Variants in NSRP1 observed in about 807,000 individuals in gnomAD.
NSRP1 encodes the protein nuclear speckle splicing regulatory protein 1.
A neutral mutation model predicts 54.7 loss-of-function variants in NSRP1; 24 were observed. The observed-to-expected ratio is 0.44, with a 90% confidence interval of 0.32 to 0.62. The LOEUF is 0.62. Ranked by LOEUF, NSRP1 falls within the 20% of genes least tolerant of loss-of-function variation. NSRP1 has a pLI of 0.06. For synonymous variants in NSRP1, 210 were observed against 213.8 expected, an observed-to-expected ratio of 0.98 and a Z score of 0.15; for missense variants, 596 against 651.2, an observed-to-expected ratio of 0.92 and a Z score of 0.92.
At chr17:30,163,615 A>C (rs1318413297) in intron 2 of NSRP1, among the ~76,000 whole-genome samples, 1 of 151,958 alleles carries the variant, frequency 6.6e-6, no homozygotes, top group Non-Finnish European at 1.5e-5. Flanking sequence ...GGAGAAAAAA[A>C]CTAAGAAATC....
rs574990091 is a variant in NSRP1, at chr17:30,176,351, A to G, written c.172-1720A>G. 3.3e-4 allele frequency among the ~76,000 whole-genome samples: 50 copies of G among 152,194 alleles called. 5 individuals carry two copies. Among genetic ancestry groups the G allele is most frequent in the Admixed American group, 1.8e-3 (28 of 15,286 alleles). ...CCTGGCCGGGTGCAGTGGCTCATGC[A>G]TGTAATCCCTGTACTTTGGAAGGCC... On this transcript the variant is annotated intron_variant, in intron 3 of 6. Transcript: ENST00000247026.
intron 2 of NSRP1, among the ~76,000 whole-genome samples, chr17:30,130,133 T>G (rs2071686409): frequency 6.6e-6 from 1 of 152,202 alleles, no homozygotes; most frequent in Non-Finnish European, 1.5e-5. Flanking sequence ...GGACTCACTG[T>G]TGTCCAGGCT....
rs1597625688 is a variant in NSRP1, at chr17:30,185,340, A to G, written c.1343A>G (p.Glu448Gly). The G allele has an allele frequency of 6.2e-7, 1 of 1,610,872 alleles. No individual in the cohort carries two copies. The highest frequency in any genetic ancestry group is 1.3e-5 in the African/African-American group (1 of 74,730). Residue 448 changes from glutamate (E) to glycine (G), a missense_variant, in exon 7 of 7, where the codon GAA (glutamate) becomes GGA (glycine). Physicochemically the swap from Glu to Gly is moderately conservative, Grantham distance 98. Transcript: ENST00000247026. ...EKREVGVQSS[E>G]RNQDRKESSP... The stretch of plus-strand genomic sequence containing the variant: ...CGAGAGGTAGGTGTTCAGTCTTCAG[A>G]AAGAAATCAAGACAGAAAGGAAAGC...
intron 2 of NSRP1, among the ~76,000 whole-genome samples, chr17:30,162,048 G>T (rs1385209523): frequency 8.0e-5 from 11 of 138,280 alleles, no homozygotes; most frequent in Non-Finnish European, 1.5e-4. Flanking sequence ...TTGAGATGGA[G>T]TCTTGCTCTG....
chr17:30,126,368 T>TA (rs1388731299), intron 2 of NSRP1, among the ~76,000 whole-genome samples: 1 of 152,194 alleles, frequency 6.6e-6, no homozygotes, highest in Non-Finnish European at 1.5e-5. Flanking sequence ...ATGTCCAAAT[T>TA]ATAGCCATCC....
chr17:30,182,113 T>G (rs1038617630), intron 6 of NSRP1, among the ~76,000 whole-genome samples: 1 of 149,974 alleles, frequency 6.7e-6, no homozygotes, highest in Non-Finnish European at 1.5e-5. Context: ...TTAAAATGAT[T>G]GGTGCCTGGT....
intron 2 of NSRP1, among the ~76,000 whole-genome samples, chr17:30,151,980 G>A (rs2071915962): frequency 6.6e-6 from 1 of 151,672 alleles, no homozygotes; most frequent in Non-Finnish European, 1.5e-5. Context: ...TGTTGGTCAG[G>A]CTGGTCTCAA....
chr17:30,132,596 T>TTTGTCATCAATTCAAGTTTTATCATGAGA (rs1267474598), intron 2 of NSRP1, among the ~76,000 whole-genome samples: 1 of 152,190 alleles, frequency 6.6e-6, no homozygotes, highest in African/African-American at 2.4e-5. Flanking sequence ...GTAGAAGAAA[T>TTTGTCATCAATTCAAGTTTTATCATGAGA]TTGTCATCAA....
intron 2 of NSRP1, among the ~76,000 whole-genome samples, chr17:30,167,780 G>T (rs986091955): frequency 3.3e-5 from 5 of 152,144 alleles, no homozygotes; most frequent in Admixed American, 6.5e-5. Context: ...TGGAGTAGAT[G>T]TAGAAACAGT....
chr17:30,134,625 A>C (rs992333567), intron 2 of NSRP1, among the ~76,000 whole-genome samples: 2 of 152,216 alleles, frequency 1.3e-5, no homozygotes, highest in African/African-American at 4.8e-5. Flanking sequence ...TAACTGGTCA[A>C]TAGCACACAC....
At chr17:30,180,430 A>G (rs746079221) in intron 5 of NSRP1, among the ~76,000 whole-genome samples, 10 of 152,236 alleles carry the variant, frequency 6.6e-5, no homozygotes, top group Non-Finnish European at 1.0e-4. Context: ...TTGTAGGATT[A>G]CAGGCGTGAG....
intron 2 of NSRP1, among the ~76,000 whole-genome samples, chr17:30,120,211 A>G (rs1443899666): frequency 6.6e-6 from 1 of 152,138 alleles, no homozygotes; most frequent in Non-Finnish European, 1.5e-5. Context: ...ATGTAGTTGT[A>G]GAATCACATT....
At chr17:30,134,024 G>T (rs1425616985) in intron 2 of NSRP1, among the ~76,000 whole-genome samples, 1 of 152,184 alleles carries the variant, frequency 6.6e-6, no homozygotes, top group Non-Finnish European at 1.5e-5. Context: ...TTGATTTAAA[G>T]TAAGAAACCT....
chr17:30,129,780 AAGAC>A (rs1489263309), intron 2 of NSRP1, among the ~76,000 whole-genome samples: 1 of 152,228 alleles, frequency 6.6e-6, no homozygotes, highest in Non-Finnish European at 1.5e-5. Flanking sequence ...TTCAAATAAA[AAGAC>A]AGTTGTACAT....
In NSRP1 at chr17:30,122,995, G is replaced by A. The variant is rs146976827; in HGVS notation, c.114+4822G>A. ...AGATGGGGTCTCACTATATTGGCCA[G>A]GTTGGTCTTGAACACCTGGCCTCAA... On this transcript the variant is annotated intron_variant, in intron 2 of 6. Coordinates refer to ENST00000247026, the MANE Select transcript of NSRP1 (RefSeq NM_032141.4). Among the ~76,000 whole-genome samples, 974 of 152,066 alleles carry A rather than the reference G, an allele frequency of 6.4e-3. 8 individuals are homozygous for A. The highest frequency in any genetic ancestry group is 0.029 in the South Asian group (139 of 4,806).
intron 3 of NSRP1, among the ~76,000 whole-genome samples, chr17:30,174,180 T>C (rs1293832523): frequency 6.6e-6 from 1 of 152,178 alleles, no homozygotes; most frequent in Non-Finnish European, 1.5e-5. Flanking sequence ...ACTTAAAGCA[T>C]GAATCCCAAA....
At chr17:30,141,993 G>A (rs1221259813) in intron 2 of NSRP1, among the ~76,000 whole-genome samples, 4 of 152,192 alleles carry the variant, frequency 2.6e-5, no homozygotes, top group African/African-American at 9.7e-5. Context: ...AACAGAGTGA[G>A]ACTGTCTCAA....
chr17:30,177,650 T>G (rs1905172497), intron 3 of NSRP1, among the ~76,000 whole-genome samples: 1 of 152,152 alleles, frequency 6.6e-6, no homozygotes, highest in Non-Finnish European at 1.5e-5. Flanking sequence ...AAAACCAAGG[T>G]TAGGTGTTTC....
rs570546784 is a variant in NSRP1, at chr17:30,179,048, C to A, written c.301-42C>A. The A allele has an allele frequency of 1.3e-4, 153 of 1,199,836 alleles. No individual in the cohort carries two copies. In the African/African-American group the frequency reaches 2.2e-3, roughly 17 times the overall value. 74.3% of individuals were successfully genotyped at this position (1,199,836 alleles called of 1,614,324 possible). ...ATAAAAATTATAATATTAACAATTA[C>A]TATTTTTTTACTCTTTTCCTAAATC... On this transcript the variant is annotated intron_variant, in intron 4 of 6. Transcript: ENST00000247026.
Sources: gnomAD v4.1 joint callset for allele counts (sites outside exome capture counted in the v4.1 genomes callset) on GRCh38, gnomAD v4.1.1 for gene constraint, MANE v1.5 for transcripts, NCBI Gene and HGNC (gene_info 2026-07-23, HGNC 2026-07-21) for gene names.